The following MYOCD variants were observed in gnomAD, a reference collection of about 807,000 sequenced individuals.
The protein encoded by MYOCD is myocardin.
Under a neutral mutation model 96.1 loss-of-function variants are expected in MYOCD, and 32 were observed. The observed-to-expected ratio is 0.33, with a 90% CI of 0.25 to 0.45. The LOEUF (loss-of-function observed/expected upper bound fraction) is 0.45, where lower values mean the gene tolerates loss of function less well. Ranked by LOEUF, MYOCD falls within the 20% of genes least tolerant of loss-of-function variation. MYOCD has a pLI of 1.00. For synonymous variants in MYOCD, 469 were observed against 469.0 expected (o/e 1.00, Z 0.00); for missense variants, 1,133 against 1,200.6 (o/e 0.94, Z 0.83).
rs1215623667 is a variant in MYOCD, at chr17:12,758,221, T to C, written c.2331+8T>C. The C allele has an allele frequency of 1.2e-6, 2 of 1,614,052 alleles. No individual in the cohort carries two copies. Among genetic ancestry groups the C allele is most frequent in the East Asian group, 4.5e-5 (2 of 44,874 alleles). On this transcript the variant is annotated splice_region_variant and intron_variant, in intron 12 of 13. Coordinates refer to ENST00000425538, the MANE Select transcript of MYOCD (RefSeq NM_001146312.3). ...GAAGATGCCGTAAAGCAGGTAACCA[T>C]GTGATTTGTTCTTTATGGAAGAATA... is the stretch of plus-strand genomic sequence containing the variant.
intron 2 of MYOCD, among the ~76,000 whole-genome samples, chr17:12,713,455 T>G (rs1219461958): frequency 6.6e-6 from 1 of 152,210 alleles, no homozygotes; most frequent in Non-Finnish European, 1.5e-5. Context: ...TATCCCAAGA[T>G]CTATTCATGC....
At chr17:12,685,314 C>T (rs1354608592) in intron 1 of MYOCD, among the ~76,000 whole-genome samples, 1 of 150,926 alleles carries the variant, frequency 6.6e-6, no homozygotes, top group Non-Finnish European at 1.5e-5. Context: ...ACAACAAAAA[C>T]TGCAGAGGGG....
At chr17:12,757,939 T>G in intron 11 of MYOCD, 146 bp from the exon 12 acceptor site, 1 of 651,186 alleles carries the variant, frequency 1.5e-6, no homozygotes, top group African/African-American at 1.8e-5. Flanking sequence ...ACTGTTAATA[T>G]ATGGGAGTTA....
At chr17:12,693,314 CA>C in intron 1 of MYOCD, among the ~76,000 whole-genome samples, 1 of 151,350 alleles carries the variant, frequency 6.6e-6, no homozygotes, top group Admixed American at 6.6e-5. Context: ...AACAAACAAA[CA>C]AAAAAAACCA....
At chr17:12,760,603 T>C (rs889228193) in intron 12 of MYOCD, 47 bp from the exon 13 acceptor site, 3 of 1,496,454 alleles carry the variant, frequency 2.0e-6, no homozygotes, top group African/African-American at 2.8e-5. Context: ...CCTACGGAGA[T>C]AACCACCTTC....
intron 1 of MYOCD, among the ~76,000 whole-genome samples, chr17:12,677,250 G>A (rs756831338): frequency 4.6e-5 from 7 of 152,052 alleles, no homozygotes; most frequent in Admixed American, 1.3e-4. Flanking sequence ...GGGGCCTGTC[G>A]GAGGGTGGAG....
intron 1 of MYOCD, among the ~76,000 whole-genome samples, chr17:12,684,451 C>A (rs566676704): frequency 7.0e-4 from 107 of 152,312 alleles, no homozygotes; most frequent in Admixed American, 1.8e-3. Flanking sequence ...CAAATAGGAA[C>A]CTTTTCCTTG....
At chr17:12,683,584 C>A (rs2029930023) in intron 1 of MYOCD, among the ~76,000 whole-genome samples, 1 of 152,146 alleles carries the variant, frequency 6.6e-6, no homozygotes, top group South Asian at 2.1e-4. Flanking sequence ...CATACACATA[C>A]ACATACAAGC....
intron 1 of MYOCD, among the ~76,000 whole-genome samples, chr17:12,697,753 T>TA (rs958716221): frequency 1.3e-5 from 2 of 150,650 alleles, no homozygotes; most frequent in Admixed American, 6.6e-5. Context: ...TTTTTGCTGC[T>TA]AAAAAAAAAT....
In MYOCD at chr17:12,763,214, T is replaced by G; in HGVS notation, c.2531T>G (p.Phe844Cys). Residue 844 changes from phenylalanine to cysteine, a missense_variant, in exon 14 of 14, where the codon TTT becomes TGT. Coordinates refer to ENST00000425538, the MANE Select transcript of MYOCD (RefSeq NM_001146312.3). ...EQASSGSQIP[F>C]DPYATDSDEH... Reference sequence around the variant, plus strand: ...GCCTCTTCAGGCAGCCAGATCCCCTTTGATCCCTATGCCACCGACAGTGAT... The same window carrying G: ...GCCTCTTCAGGCAGCCAGATCCCCTGTGATCCCTATGCCACCGACAGTGAT... 6 of 1,614,120 alleles carry G rather than the reference T, an allele frequency of 3.7e-6. No homozygotes were observed. The highest frequency in any genetic ancestry group is 5.1e-6 in the Non-Finnish European group (6 of 1,180,022).
At chr17:12,736,435 A>G (rs1036590126) in intron 6 of MYOCD, 99 bp downstream of exon 6, 1 of 1,212,256 alleles carries the variant, frequency 8.2e-7, no homozygotes, top group Non-Finnish European at 1.2e-6. Flanking sequence ...GGTTTTGCTT[A>G]GAGAATGCAG....
At chr17:12,733,186 T>C (rs749442845) in intron 5 of MYOCD, among the ~76,000 whole-genome samples, 1 of 151,868 alleles carries the variant, frequency 6.6e-6, no homozygotes, top group Non-Finnish European at 1.5e-5. Flanking sequence ...GGCAGGTGCC[T>C]GTAGGACCAG....
chr17:12,736,888 G>A (rs2032362327), intron 6 of MYOCD, among the ~76,000 whole-genome samples: 1 of 152,168 alleles, frequency 6.6e-6, no homozygotes, highest in African/African-American at 2.4e-5. Flanking sequence ...ACCTCTTTCT[G>A]TACAAATCTA....
At position 12,719,275 on chromosome 17, in the gene MYOCD, G is replaced by A. The variant is rs558381882; in HGVS notation, c.253+1854G>A. The stretch of plus-strand genomic sequence containing the variant: ...ATCATGTGTGGCAAGAGTTACATGC[G>A]TTCCCATACACTGCTGGTGGGAGTG... On this transcript the variant is annotated intron_variant, in intron 4 of 13. Transcript: ENST00000425538. 4.0e-5 allele frequency among the ~76,000 whole-genome samples: 6 copies of A among 148,708 alleles called. No homozygotes were observed. The South Asian group carries it at 8.8e-4, about 22-fold the overall frequency.
Position 12,752,447 on chromosome 17 carries a change from G to A in MYOCD, c.1159G>A (p.Gly387Ser), listed in dbSNP as rs1485651708. ...ATTAAGACAACAGCTTCGAATTCGG[G>A]GCTTGCCTGTGTCAGGCACCAAAAC... is the stretch of plus-strand genomic sequence containing the variant. ...SELRQQLRIR[G>S]LPVSGTKTAL... The change falls in exon 10 of 14, where the codon GGC becomes AGC. Residue 387 changes from glycine (G) to serine (S), a missense_variant. Transcript: ENST00000425538. The A allele has an allele frequency of 1.9e-6, 3 of 1,613,548 alleles. No individual in the cohort carries two copies. The highest frequency in any genetic ancestry group is 1.7e-4 in the Middle Eastern group (1 of 6,054).
At chr17:12,692,060 C>A (rs2030476222) in intron 1 of MYOCD, among the ~76,000 whole-genome samples, 1 of 152,118 alleles carries the variant, frequency 6.6e-6, no homozygotes, top group Admixed American at 6.5e-5. Flanking sequence ...AAAGAACTGA[C>A]CTGTAGTGAA....
Position 12,683,769 on chromosome 17 carries a change from T to C in MYOCD, c.55+17526T>C, listed in dbSNP as rs1400782861. On this transcript the variant is annotated intron_variant, in intron 1 of 13. Coordinates refer to ENST00000425538, the MANE Select transcript of MYOCD (RefSeq NM_001146312.3). ...AATTGTAATTATTTGTTTAACATCT[T>C]TCCCCCTCTCTAGGCTGTAAACTTT... is the stretch of plus-strand genomic sequence containing the variant. Among the ~76,000 whole-genome samples the C allele has an allele frequency of 2.6e-5, 4 of 152,326 alleles. No individual in the cohort carries two copies. In the South Asian group the frequency reaches 8.3e-4, roughly 32 times the overall value.
At chr17:12,690,840 T>A (rs2030410846) in intron 1 of MYOCD, among the ~76,000 whole-genome samples, 1 of 152,324 alleles carries the variant, frequency 6.6e-6, no homozygotes. Context: ...CAATTAATAT[T>A]GAGACTGAGA....
chr17:12,756,673 G>A (rs1396886879), intron 11 of MYOCD, 116 bp downstream of exon 11: 2 of 552,142 alleles, frequency 3.6e-6, no homozygotes, highest in Non-Finnish European at 5.6e-6. Context: ...TCCAGCCCAG[G>A]TGACAGAGCG....
Sources: gnomAD v4.1 joint callset for allele counts (sites outside exome capture counted in the v4.1 genomes callset) on GRCh38, gnomAD v4.1.1 for gene constraint, MANE v1.5 for transcripts, NCBI Gene and HGNC (gene_info 2026-07-23, HGNC 2026-07-21) for gene names.